CFAP54: variants seen among roughly 807,000 people sequenced by gnomAD.
CFAP54 encodes the protein cilia and flagella associated protein 54.
Under a neutral mutation model 370.4 loss-of-function variants are expected in CFAP54, and 290 were observed. The observed-to-expected ratio is 0.78, with a 90% CI of 0.71 to 0.86. CFAP54 has a LOEUF of 0.86. CFAP54 is among the 40% of genes least tolerant of loss of function. The pLI is 0.00. For synonymous variants in CFAP54, 1,206 were observed against 1,236.5 expected, an observed-to-expected ratio of 0.98 and a Z score of 0.52; for missense variants, 3,399 against 3,528.7, an observed-to-expected ratio of 0.96 and a Z score of 0.93.
Position 96,708,716 on chromosome 12 carries a change from G to A in CFAP54, c.6637G>A (p.Val2213Met). 6.2e-7 allele frequency: 1 copy of A among 1,612,340 alleles called. No individual in the cohort carries two copies. ...TGTTAAAGCATACTTTTTCCTAAGT[G>A]TGGCTGCGACAATAAATTGTGTCCC... ...NFVKAYFFLS[V>M]AATINCVPEN... The change falls in exon 48 of 68, where the codon GTG (valine) becomes ATG (methionine). Residue 2213 changes from valine (V) to methionine (M), a missense_variant. Coordinates refer to ENST00000524981, the MANE Select transcript of CFAP54 (RefSeq NM_001306084.2).
intron 60 of CFAP54, among the ~76,000 whole-genome samples, chr12:96,767,208 C>T (rs549619532): frequency 3.9e-5 from 6 of 152,274 alleles, no homozygotes; most frequent in East Asian, 3.9e-4. Flanking sequence ...TCCAAACTAT[C>T]GCATATGACA....
chr12:96,604,518 C>T (rs1956280660), intron 26 of CFAP54, among the ~76,000 whole-genome samples: 1 of 152,234 alleles, frequency 6.6e-6, no homozygotes, highest in Admixed American at 6.5e-5. Flanking sequence ...TTTAAGTCTG[C>T]CAAAGCTGTC....
At chr12:96,807,214 G>A (rs1179068354) in intron 63 of CFAP54, among the ~76,000 whole-genome samples, 1 of 152,116 alleles carries the variant, frequency 6.6e-6, no homozygotes, top group Admixed American at 6.5e-5. Flanking sequence ...GGTCCCATGT[G>A]GGTAAAGTGA....
chr12:96,829,855 A>T (rs1959165386), intron 66 of CFAP54, among the ~76,000 whole-genome samples: 1 of 152,082 alleles, frequency 6.6e-6, no homozygotes, highest in Admixed American at 6.6e-5. Flanking sequence ...CTTTATATCC[A>T]TTAAACAATA....
At chr12:96,503,775 T>C in intron 2 of CFAP54, 111 bp from the exon 3 acceptor site, 3 of 946,188 alleles carry the variant, frequency 3.2e-6, no homozygotes, top group Non-Finnish European at 4.5e-6. Context: ...GTAGTAATGG[T>C]ATAATTGTAA....
intron 27 of CFAP54, among the ~76,000 whole-genome samples, 154 bp downstream of exon 27, chr12:96,621,875 G>GTTTT (rs71068819): frequency 0.026 from 1,278 of 50,076 alleles, 11 homozygotes; most frequent in Non-Finnish European, 0.029. Flanking sequence ...TTTTGGGTTT[G>GTTTT]TTTTTTTTTT....
At chr12:96,869,684 C>T (rs913826880) in intron 67 of CFAP54, among the ~76,000 whole-genome samples, 4 of 151,874 alleles carry the variant, frequency 2.6e-5, no homozygotes. Flanking sequence ...ACCTGTAATC[C>T]CAGCACTTTG....
At chr12:96,754,846 C>T (rs974553692) in intron 56 of CFAP54, among the ~76,000 whole-genome samples, 93 of 152,076 alleles carry the variant, frequency 6.1e-4, no homozygotes, top group African/African-American at 2.1e-3. Flanking sequence ...TGGGTTCAAG[C>T]AATTCTCCTT....
At position 96,693,734 on chromosome 12, in the gene CFAP54, C is replaced by T. The variant is rs2136567863; in HGVS notation, c.6277C>T (p.Leu2093Phe). ...VRQNLIVLPL[L>F]ALYQYFVSGI... The stretch of plus-strand genomic sequence containing the variant: ...TTTCTCCTGATAGGTTCTGCCTCTC[C>T]TTGCATTGTATCAATATTTTGTTTC... Residue 2093 changes from leucine (L) to phenylalanine (F), a missense_variant, in exon 45 of 68, where the codon CTT becomes TTT. Around this residue, in one of 3 missense-constraint regions of CFAP54, gnomAD observed 2,796 missense variants for 2,869.7 expected, o/e 0.97. Coordinates refer to ENST00000524981, the MANE Select transcript of CFAP54 (RefSeq NM_001306084.2). 1.9e-6 allele frequency: 3 copies of T among 1,588,128 alleles called. No individual in the cohort carries two copies. The highest frequency in any genetic ancestry group is 2.6e-6 in the Non-Finnish European group (3 of 1,160,308).
Position 96,554,298 on chromosome 12 carries a change from C to T in CFAP54, c.2271C>T (p.His757=). 6.6e-7 allele frequency: 1 copy of T among 1,516,430 alleles called. No individual in the cohort carries two copies. 93.9% of individuals were successfully genotyped at this position (1,516,430 alleles called of 1,614,324 possible). ...SLPNGSSVID[H]CYAKRTHHID... ...CAAATGGATCATCAGTAATTGACCA[C>T]TGCTATGCCAAGGTAAGAATGGAAG... Residue 757 remains histidine (H), a synonymous_variant, in exon 16 of 68, where the codon CAC becomes CAT. Coordinates refer to ENST00000524981, the MANE Select transcript of CFAP54 (RefSeq NM_001306084.2).
intron 19 of CFAP54, among the ~76,000 whole-genome samples, chr12:96,575,820 T>C (rs566978763): frequency 6.6e-6 from 1 of 152,216 alleles, no homozygotes; most frequent in African/African-American, 2.4e-5. Flanking sequence ...CCTAGCACCA[T>C]TTGTAGAAAA....
rs915661459 is a variant in CFAP54 at position 96,489,736 on chromosome 12, C to T, written c.127C>T (p.Arg43Trp). The change falls in exon 1 of 68, where the codon CGG becomes TGG. Residue 43 changes from arginine (R) to tryptophan (W), a missense_variant. Transcript: ENST00000524981. ...GCCCCCAGAGTCGAAGGGGAGCTCC[C>T]GGAGCTCGCTGCTTCAGTGGACCTG... ...RSPPESKGSS[R>W]SSLLQWTCPE... 7 of 1,536,080 alleles carry T rather than the reference C, an allele frequency of 4.6e-6. No homozygotes were observed. The highest frequency in any genetic ancestry group is 2.4e-5 in the East Asian group (1 of 40,920).
chr12:96,676,022 G>A (rs1376892180), intron 39 of CFAP54, among the ~76,000 whole-genome samples: 1 of 151,938 alleles, frequency 6.6e-6, no homozygotes, highest in African/African-American at 2.4e-5. Flanking sequence ...CACCACCATG[G>A]CACATGTATA....
At chr12:96,634,387 A>G (rs1280843300) in intron 32 of CFAP54, among the ~76,000 whole-genome samples, 1 of 151,996 alleles carries the variant, frequency 6.6e-6, no homozygotes, top group Admixed American at 6.6e-5. Flanking sequence ...TGCCATCTGT[A>G]TATCCTCTTT....
chr12:96,658,354 T>G lies in CFAP54; in HGVS notation c.5460+8T>G. 1.9e-6 allele frequency: 3 copies of G among 1,613,856 alleles called. No homozygotes were observed. The highest frequency in any genetic ancestry group is 2.2e-5 in the South Asian group (2 of 91,002). ...GCTGAATATGGAGAGAAGGTAAGTT[T>G]AAGTTAGTTCTATTATTCATGCTGT... On this transcript the variant is annotated splice_region_variant and intron_variant, in intron 38 of 67. Coordinates refer to ENST00000524981, the MANE Select transcript of CFAP54 (RefSeq NM_001306084.2).
chr12:96,864,771 T>G (rs576338754), intron 67 of CFAP54, among the ~76,000 whole-genome samples: 58 of 152,222 alleles, frequency 3.8e-4, no homozygotes, highest in Middle Eastern at 6.8e-3. Flanking sequence ...AGACAGTAGC[T>G]CAAGAGTGTC....
rs1957353063 is a variant in CFAP54, at chr12:96,688,638, AATATGTATGT to A, written c.6015-271_6015-262del. On this transcript the variant is annotated intron_variant, in intron 42 of 67. Coordinates refer to ENST00000524981, the MANE Select transcript of CFAP54 (RefSeq NM_001306084.2). The stretch of plus-strand genomic sequence containing the variant: ...GTATGTATTGCATAATTCTAGTCTT[AATATGTATGT>A]ATATGTTTCTCCGTGTGTATAATTA... Among the ~76,000 whole-genome samples the A allele has an allele frequency of 5.9e-5, 9 of 152,304 alleles. 1 individual carries two copies. The East Asian group carries it at 1.3e-3, about 23-fold the overall frequency.
chr12:96,862,611 G>T (rs1959905602), intron 67 of CFAP54, among the ~76,000 whole-genome samples: 1 of 152,098 alleles, frequency 6.6e-6, no homozygotes, highest in African/African-American at 2.4e-5. Flanking sequence ...CAAAAGACAA[G>T]AAGACTGATA....
chr12:96,556,630 T>A (rs1176358892), intron 17 of CFAP54, among the ~76,000 whole-genome samples: 1 of 152,044 alleles, frequency 6.6e-6, no homozygotes, highest in Admixed American at 6.6e-5. Flanking sequence ...CTATTCACAA[T>A]AGCAAAGACA....
Sources: gnomAD v4.1 joint callset for allele counts (sites outside exome capture counted in the v4.1 genomes callset) on GRCh38, gnomAD v4.1.1 for gene constraint, gnomAD v4.1.1 regional missense constraint, MANE v1.5 for transcripts, NCBI Gene and HGNC (gene_info 2026-07-23, HGNC 2026-07-21) for gene names.